LRP1B: variants seen among roughly 807,000 people sequenced by gnomAD.
The protein encoded by LRP1B is LDL receptor related protein 1B, also known as low-density lipoprotein receptor-related protein 1B.
A neutral mutation model predicts 556.6 loss-of-function variants in LRP1B; 217 were observed. That is an observed-to-expected ratio of 0.39 (90% CI 0.35 to 0.44). The LOEUF (loss-of-function observed/expected upper bound fraction) is 0.44, where lower values mean the gene tolerates loss of function less well. LRP1B is among the 20% of genes least tolerant of loss of function. LRP1B has a pLI of 1.00. For missense variants in LRP1B, 5,053 were observed against 5,620.8 expected (o/e 0.90, Z 3.23); for synonymous variants, 2,047 against 1,865.8 (o/e 1.10, Z -2.50).
intron 42 of LRP1B, among the ~76,000 whole-genome samples, chr2:140,600,675 T>C (rs1682618993): frequency 6.6e-6 from 1 of 151,360 alleles, no homozygotes; most frequent in African/African-American, 2.4e-5. Context: ...AATTTTCTTA[T>C]AGTTAACAAA....
At chr2:140,877,274 T>G (rs1693339237) in intron 25 of LRP1B, among the ~76,000 whole-genome samples, 1 of 152,160 alleles carries the variant, frequency 6.6e-6, no homozygotes, top group Non-Finnish European at 1.5e-5. Context: ...TCCAGGATTA[T>G]TCTTTTGTTT....
chr2:140,800,686 ACT>A (rs1474361358), intron 32 of LRP1B, among the ~76,000 whole-genome samples: 1 of 151,398 alleles, frequency 6.6e-6, no homozygotes, highest in Non-Finnish European at 1.5e-5. Flanking sequence ...GTTTTGTTTA[ACT>A]CTTTTACTCT....
chr2:141,598,733 G>A (rs1687612669), intron 2 of LRP1B, among the ~76,000 whole-genome samples: 1 of 152,068 alleles, frequency 6.6e-6, no homozygotes, highest in Admixed American at 6.6e-5. Context: ...TGCAAACAGT[G>A]AGTTCAATAT....
chr2:140,262,299 C>A (rs982263144), intron 86 of LRP1B, among the ~76,000 whole-genome samples: 11 of 152,064 alleles, frequency 7.2e-5, no homozygotes, highest in Non-Finnish European at 1.6e-4. Context: ...GTCAAAGTCA[C>A]ACAGAAATAA....
chr2:140,703,546 A>G (rs538350569), intron 37 of LRP1B, among the ~76,000 whole-genome samples: 1 of 152,310 alleles, frequency 6.6e-6, no homozygotes, highest in East Asian at 1.9e-4. Flanking sequence ...TTTAAAAAAT[A>G]TGGGAAGCAT....
intron 1 of LRP1B, among the ~76,000 whole-genome samples, chr2:141,956,845 TA>T (rs913067426): frequency 6.6e-6 from 1 of 151,972 alleles, no homozygotes; most frequent in African/African-American, 2.4e-5. Flanking sequence ...GTTCTCAGCA[TA>T]AAAAAATCAA....
chr2:140,792,780 A>G (rs1420930443), intron 32 of LRP1B, among the ~76,000 whole-genome samples: 1 of 152,178 alleles, frequency 6.6e-6, no homozygotes, highest in Non-Finnish European at 1.5e-5. Context: ...CTTTCATTAA[A>G]TGACAGAATA....
intron 40 of LRP1B, among the ~76,000 whole-genome samples, chr2:140,701,517 G>T (rs1448129612): frequency 6.6e-6 from 1 of 151,956 alleles, no homozygotes; most frequent in African/African-American, 2.4e-5. Context: ...TACCTGTGCT[G>T]TCCTGGGCAA....
chr2:140,728,012 A>G (rs1318889233), intron 35 of LRP1B, among the ~76,000 whole-genome samples: 1 of 152,172 alleles, frequency 6.6e-6, no homozygotes, highest in Non-Finnish European at 1.5e-5. Context: ...AAGATTTTAG[A>G]TATCTTAATC....
rs142844162 is a variant in LRP1B, at chr2:140,594,214, C to T, written c.7194+4417G>A. ...CGAACTCCCGACCTCGGGTGATCCACTTGCCTCAGCCTCCCAAAGCTCTGG... is the reference window on the plus strand; with the variant it reads ...CGAACTCCCGACCTCGGGTGATCCATTTGCCTCAGCCTCCCAAAGCTCTGG... On this transcript the variant is annotated intron_variant, in intron 43 of 90. Transcript: ENST00000389484. Among the ~76,000 whole-genome samples the T allele has an allele frequency of 6.0e-3, 918 of 152,268 alleles. 9 individuals are homozygous for T. Among genetic ancestry groups the T allele is most frequent in the African/African-American group, 0.021 (857 of 41,532 alleles).
chr2:142,092,652 T>G (rs68085426), intron 1 of LRP1B, among the ~76,000 whole-genome samples: 64,916 of 150,310 alleles, frequency 0.43, 14,414 homozygotes, highest in East Asian at 0.69. Flanking sequence ...GTGTGTGTGT[T>G]TTTGTATGGG....
intron 14 of LRP1B, among the ~76,000 whole-genome samples, chr2:141,009,500 A>T (rs1697678782): frequency 6.6e-6 from 1 of 151,784 alleles, no homozygotes. Context: ...ATATTAAGAT[A>T]CTCCTTTGTT....
At chr2:141,980,238 G>C (rs1320193608) in intron 1 of LRP1B, among the ~76,000 whole-genome samples, 2 of 151,980 alleles carry the variant, frequency 1.3e-5, no homozygotes, top group Middle Eastern at 3.2e-3. Flanking sequence ...CTTGGCACTA[G>C]GCAACTAGAA....
chr2:141,546,462 G>C (rs1357329948), intron 2 of LRP1B, among the ~76,000 whole-genome samples: 1 of 152,004 alleles, frequency 6.6e-6, no homozygotes, highest in African/African-American at 2.4e-5. Context: ...TACATCATGG[G>C]TCCCATCTTC....
chr2:141,627,794 G>A (rs537468113), intron 2 of LRP1B, among the ~76,000 whole-genome samples: 4 of 152,158 alleles, frequency 2.6e-5, no homozygotes, highest in South Asian at 4.2e-4. Flanking sequence ...GGATAATTAC[G>A]CGATACCAAC....
In LRP1B at chr2:140,716,002, T is replaced by G; in HGVS notation, c.5994A>C (p.Pro1998=). 2 of 1,609,958 alleles carry G rather than the reference T, an allele frequency of 1.2e-6. No individual in the cohort carries two copies. The highest frequency in any genetic ancestry group is 1.7e-6 in the Non-Finnish European group (2 of 1,177,420). The change falls in exon 37 of 91, where the codon CCA becomes CCC. Residue 1998 remains proline, a synonymous_variant. Coordinates refer to ENST00000389484, the MANE Select transcript of LRP1B (RefSeq NM_018557.3). ...TCTCTGGGTGCACAGCTATAGATCT[T>G]GGTTGATCCAGGCCTTGGGAAATAA... ...YVIISQGLDQ[P]RSIAVHPEKG... is the part of the protein sequence containing the mutation.
chr2:140,907,247 G>A (rs1694283885), intron 22 of LRP1B, among the ~76,000 whole-genome samples: 1 of 151,992 alleles, frequency 6.6e-6, no homozygotes. Flanking sequence ...TGATCTCCCG[G>A]AAGAGAAGGA....
At chr2:141,350,359 C>T (rs1038659825) in intron 3 of LRP1B, among the ~76,000 whole-genome samples, 6 of 151,854 alleles carry the variant, frequency 4.0e-5, no homozygotes, top group Admixed American at 3.3e-4. Flanking sequence ...GAAAAGATGG[C>T]GAGGGGAGAC....
intron 1 of LRP1B, among the ~76,000 whole-genome samples, chr2:142,059,179 G>A (rs1264447273): frequency 2.0e-5 from 3 of 152,064 alleles, no homozygotes; most frequent in East Asian, 3.9e-4. Context: ...ATGGGCACAA[G>A]GTTTCTTTTG....
Sources: gnomAD v4.1 joint callset for allele counts (sites outside exome capture counted in the v4.1 genomes callset) on GRCh38, gnomAD v4.1.1 for gene constraint, MANE v1.5 for transcripts, NCBI Gene and HGNC (gene_info 2026-07-23, HGNC 2026-07-21) for gene names.